The following SLC9C1 variants were observed in gnomAD, a reference collection of about 807,000 sequenced individuals.
SLC9C1 encodes the protein sodium/hydrogen exchanger 10.
In SLC9C1, 97 loss-of-function variants were observed where a neutral mutation model predicts 140.9. That is an observed-to-expected ratio of 0.69 (90% confidence interval 0.58 to 0.82). The LOEUF (loss-of-function observed/expected upper bound fraction) is 0.82, where lower values mean the gene tolerates loss of function less well. Among genes scored for constraint, SLC9C1 ranks in the 40% least tolerant of loss-of-function variants. SLC9C1 has a pLI of 0.00. For missense variants in SLC9C1, 1,340 were observed against 1,389.3 expected (o/e 0.96, Z 0.56); for synonymous variants, 440 against 442.6 (o/e 0.99, Z 0.07).
At chr3:112,163,722 G>A (rs1050053821) in intron 26 of SLC9C1, among the ~76,000 whole-genome samples, 2 of 152,124 alleles carry the variant, frequency 1.3e-5, no homozygotes, top group South Asian at 2.1e-4. Flanking sequence ...TAGGTGTGGT[G>A]TGGTGCTGAA....
At chr3:112,220,402 G>T (rs1303112990) in intron 14 of SLC9C1, among the ~76,000 whole-genome samples, 1 of 152,164 alleles carries the variant, frequency 6.6e-6, no homozygotes, top group African/African-American at 2.4e-5. Context: ...ACCAAAGGCC[G>T]GGTTTGCTCA....
intron 11 of SLC9C1, among the ~76,000 whole-genome samples, chr3:112,242,805 C>G (rs2079172715): frequency 6.6e-6 from 1 of 151,948 alleles, no homozygotes; most frequent in Non-Finnish European, 1.5e-5. Context: ...ATATATACAA[C>G]TACTATGTAT....
At chr3:112,164,614 T>G (rs1019210119) in intron 26 of SLC9C1, among the ~76,000 whole-genome samples, 1 of 150,566 alleles carries the variant, frequency 6.6e-6, no homozygotes, top group Non-Finnish European at 1.5e-5. Context: ...ACTCTCTTCT[T>G]GCTTGTAGAG....
chr3:112,169,479 A>G (rs1366228280), intron 23 of SLC9C1, 151 bp from the exon 24 acceptor site: 2 of 749,394 alleles, frequency 2.7e-6, no homozygotes, highest in Non-Finnish European at 3.9e-6. Flanking sequence ...TGTGTCTATC[A>G]ATGAAAATTG....
At chr3:112,204,439 G>C (rs1323320639) in intron 16 of SLC9C1, 36 bp from the exon 17 acceptor site, 2 of 1,528,236 alleles carry the variant, frequency 1.3e-6, no homozygotes, top group Admixed American at 4.9e-5. Flanking sequence ...TATCATGTTT[G>C]TTTCTGCTTT....
At chr3:112,225,866 T>C (rs1449435997) in intron 13 of SLC9C1, among the ~76,000 whole-genome samples, 1 of 152,006 alleles carries the variant, frequency 6.6e-6, no homozygotes, top group Non-Finnish European at 1.5e-5. Context: ...AGGGATCAAA[T>C]CAGCAAAAGG....
intron 23 of SLC9C1, among the ~76,000 whole-genome samples, chr3:112,175,894 G>A (rs181244723): frequency 4.6e-5 from 7 of 152,220 alleles, no homozygotes; most frequent in South Asian, 2.1e-4. Context: ...GCTGCTACCC[G>A]TGGCTGGCTG....
At chr3:112,263,542 C>A (rs1162024935) in intron 9 of SLC9C1, among the ~76,000 whole-genome samples, 2 of 151,142 alleles carry the variant, frequency 1.3e-5, no homozygotes, top group African/African-American at 4.9e-5. Context: ...AGTCATATAT[C>A]ATTCCTATGT....
intron 12 of SLC9C1, among the ~76,000 whole-genome samples, chr3:112,239,500 T>C (rs62279494): frequency 1.1e-4 from 16 of 152,230 alleles, no homozygotes; most frequent in Non-Finnish European, 1.9e-4. Context: ...GAGATGAACC[T>C]GGTACCTCAG....
At chr3:112,259,895 A>G (rs1040014525) in intron 10 of SLC9C1, among the ~76,000 whole-genome samples, 1 of 152,210 alleles carries the variant, frequency 6.6e-6, no homozygotes, top group African/African-American at 2.4e-5. Context: ...CTCTATCAAC[A>G]TTAGAAAATT....
intron 15 of SLC9C1, 126 bp from the exon 16 acceptor site, chr3:112,208,499 C>T (rs2078117062): frequency 1.7e-5 from 9 of 523,848 alleles, no homozygotes; most frequent in Non-Finnish European, 2.8e-5. Flanking sequence ...AAGCAGCCAC[C>T]ACTAGCTAAC....
chr3:112,211,965 C>T (rs1358340344), intron 15 of SLC9C1, among the ~76,000 whole-genome samples: 1 of 152,214 alleles, frequency 6.6e-6, no homozygotes, highest in Non-Finnish European at 1.5e-5. Context: ...CCAGTAAGGG[C>T]AGACTGACAC....
chr3:112,165,295 C>G (rs1400932565), intron 26 of SLC9C1, among the ~76,000 whole-genome samples: 1 of 152,212 alleles, frequency 6.6e-6, no homozygotes, highest in Non-Finnish European at 1.5e-5. Context: ...CTCCATCCAG[C>G]TTTGTTCCAT....
At chr3:112,221,927 G>A (rs575930543) in intron 13 of SLC9C1, among the ~76,000 whole-genome samples, 11 of 152,250 alleles carry the variant, frequency 7.2e-5, no homozygotes, top group African/African-American at 2.6e-4. Context: ...AATATATTAT[G>A]TGACCAAAGA....
In SLC9C1 at chr3:112,266,302, T is replaced by G; in HGVS notation, c.814A>C (p.Ile272Leu). ...GTAGAATTTAAAAGAAGTCCCACAA[T>G]GGCCAGAGTAAATATTCCTGACATT... ...VGMSGIFTLAIVGLLLNSTSF... is the reference protein window; with the variant it reads ...VGMSGIFTLALVGLLLNSTSF... Residue 272 changes from isoleucine to leucine, a missense_variant, in exon 8 of 29, where the codon ATT (isoleucine) becomes CTT (leucine). By Grantham distance (5) the Ile-to-Leu change is conservative (BLOSUM62 2). Transcript: ENST00000305815. 6.2e-7 allele frequency: 1 copy of G among 1,611,026 alleles called. No individual in the cohort carries two copies. Among genetic ancestry groups the G allele is most frequent in the South Asian group, 1.1e-5 (1 of 89,792 alleles).
At chr3:112,266,044 G>A (rs770218226) in intron 8 of SLC9C1, among the ~76,000 whole-genome samples, 194 bp downstream of exon 8, 17 of 152,046 alleles carry the variant, frequency 1.1e-4, no homozygotes, top group Non-Finnish European at 2.2e-4. Context: ...TCAAGGTAAG[G>A]TTACGAATTT....
At chr3:112,196,746 T>A (rs1478838080) in intron 20 of SLC9C1, among the ~76,000 whole-genome samples, 1 of 152,172 alleles carries the variant, frequency 6.6e-6, no homozygotes, top group African/African-American at 2.4e-5. Context: ...TTTTTAGATT[T>A]TCTGTGTCTT....
In SLC9C1 at chr3:112,279,061, C is replaced by T. The variant is rs550767944; in HGVS notation, c.190-204G>A. 118 of 422,396 alleles carry T rather than the reference C, an allele frequency of 2.8e-4. 2 individuals are homozygous for T. Among genetic ancestry groups the T allele is most frequent in the South Asian group, 2.7e-3 (85 of 32,026 alleles). The allele number at this position is 422,396 out of a possible 1,614,324, so 26.2% of individuals were successfully genotyped here. On this transcript the variant is annotated intron_variant, in intron 3 of 28. Transcript: ENST00000305815. ...AGAAGATATGTGTGGAAGAATAGAA[C>T]GGATAGAGACTGGAAAGTTAATGTA... is the stretch of plus-strand genomic sequence containing the variant.
At chr3:112,245,551 T>C (rs907764881) in intron 10 of SLC9C1, among the ~76,000 whole-genome samples, 1 of 152,098 alleles carries the variant, frequency 6.6e-6, no homozygotes, top group Non-Finnish European at 1.5e-5. Flanking sequence ...TGTGAGTCTT[T>C]TTTGAATTCC....
Sources: gnomAD v4.1 joint callset for allele counts (sites outside exome capture counted in the v4.1 genomes callset) on GRCh38, gnomAD v4.1.1 for gene constraint, MANE v1.5 for transcripts, NCBI Gene and HGNC (gene_info 2026-07-23, HGNC 2026-07-21) for gene names.